The following ULK4 variants were observed in gnomAD, a reference collection of about 807,000 sequenced individuals.
The protein encoded by ULK4 is unc-51 like kinase 4, also known as inactive serine/threonine-protein kinase ULK4.
Under a neutral mutation model 160.6 loss-of-function variants are expected in ULK4, and 133 were observed. The observed-to-expected ratio is 0.83, with a 90% CI of 0.72 to 0.96. The LOEUF is 0.96. Ranked by LOEUF, ULK4 falls within the 40% of genes least tolerant of loss-of-function variation. The pLI, the probability that ULK4 is intolerant of heterozygous loss-of-function variation, is 0.00. For synonymous variants in ULK4, 534 were observed against 539.8 expected, an observed-to-expected ratio of 0.99 and a Z score of 0.15; for missense variants, 1,580 against 1,499.5, an observed-to-expected ratio of 1.05 and a Z score of -0.89.
Position 41,479,467 on chromosome 3 carries a change from G to A in ULK4, c.3227-16214C>T, listed in dbSNP as rs73828063. Among the ~76,000 whole-genome samples the A allele has an allele frequency of 5.7e-3, 871 of 152,340 alleles. 10 individuals are homozygous for A. Among genetic ancestry groups the A allele is most frequent in the African/African-American group, 0.02 (831 of 41,582 alleles). On this transcript the variant is annotated intron_variant, in intron 32 of 36. Transcript: ENST00000301831. Reference sequence around the variant, plus strand: ...GGTGCTGTTGGTCGGAGAAGATGATGATCAACGGGAAGGCAGGGAAAGTTA... The same window carrying A: ...GGTGCTGTTGGTCGGAGAAGATGATAATCAACGGGAAGGCAGGGAAAGTTA...
chr3:41,468,505 G>C (rs899854609), intron 32 of ULK4, among the ~76,000 whole-genome samples: 1 of 152,162 alleles, frequency 6.6e-6, no homozygotes, highest in Non-Finnish European at 1.5e-5. Context: ...ACCTCCTATA[G>C]AAGAATAGGA....
At chr3:41,740,570 C>T (rs181830382) in intron 22 of ULK4, among the ~76,000 whole-genome samples, 1 of 151,922 alleles carries the variant, frequency 6.6e-6, no homozygotes, top group Non-Finnish European at 1.5e-5. Flanking sequence ...ATTTCACCAC[C>T]TGTCTCATGC....
chr3:41,714,798 G>A (rs1354727311), intron 25 of ULK4, among the ~76,000 whole-genome samples: 1 of 146,244 alleles, frequency 6.8e-6, no homozygotes, highest in Non-Finnish European at 1.5e-5. Context: ...GTTGCAGTGA[G>A]CCAAGATCGC....
intron 32 of ULK4, among the ~76,000 whole-genome samples, chr3:41,560,791 C>G (rs1466398895): frequency 6.6e-6 from 1 of 152,202 alleles, no homozygotes; most frequent in Non-Finnish European, 1.5e-5. Flanking sequence ...TCTAAATATA[C>G]AATCATGTCA....
At chr3:41,642,914 T>C (rs2034291637) in intron 30 of ULK4, among the ~76,000 whole-genome samples, 1 of 152,194 alleles carries the variant, frequency 6.6e-6, no homozygotes, top group South Asian at 2.1e-4. Context: ...CTCATTGTGG[T>C]TTTGATTTGC....
intron 35 of ULK4, among the ~76,000 whole-genome samples, chr3:41,303,148 T>C (rs1439911738): frequency 6.6e-6 from 1 of 152,194 alleles, no homozygotes; most frequent in Non-Finnish European, 1.5e-5. Flanking sequence ...CTGATAATAA[T>C]TATTTGCCTT....
chr3:41,247,063 G>T, intron 36 of ULK4, 71 bp from the exon 37 acceptor site: 1 of 1,480,248 alleles, frequency 6.8e-7, no homozygotes, highest in Non-Finnish European at 9.3e-7. Context: ...CTTTCAAAGG[G>T]GCCAGCCTCT....
chr3:41,882,681 C>T (rs1449636170), intron 17 of ULK4, among the ~76,000 whole-genome samples: 2 of 152,194 alleles, frequency 1.3e-5, no homozygotes, highest in Admixed American at 1.3e-4. Context: ...TCAGAGGCTC[C>T]TTCTTCACAG....
At chr3:41,742,290 G>A (rs915040105) in intron 22 of ULK4, among the ~76,000 whole-genome samples, 1 of 152,012 alleles carries the variant, frequency 6.6e-6, no homozygotes, top group Non-Finnish European at 1.5e-5. Flanking sequence ...TGGAGGGGTA[G>A]TGTCTATAAG....
chr3:41,836,422 C>T lies in ULK4; in HGVS notation c.1657-451G>A, dbSNP rs12636880. 2.5e-4 allele frequency among the ~76,000 whole-genome samples: 38 copies of T among 152,284 alleles called. No individual in the cohort carries two copies. In the East Asian group the frequency reaches 6.4e-3, roughly 26 times the overall value. ...TCCTGGCCTCAAGATCCACCCACCTCGACCTCCCAAAGTGCTGGGATTACA... is the reference window on the plus strand; with the variant it reads ...TCCTGGCCTCAAGATCCACCCACCTTGACCTCCCAAAGTGCTGGGATTACA... On this transcript the variant is annotated intron_variant, in intron 17 of 36. Transcript: ENST00000301831.
At chr3:41,884,870 T>C (rs1207277916) in intron 16 of ULK4, among the ~76,000 whole-genome samples, 7 of 152,220 alleles carry the variant, frequency 4.6e-5, no homozygotes, top group Non-Finnish European at 8.8e-5. Flanking sequence ...TCCTAGGCAA[T>C]TGTAGAATTA....
chr3:41,561,725 T>TA (rs2087578563), intron 32 of ULK4, among the ~76,000 whole-genome samples: 1 of 152,220 alleles, frequency 6.6e-6, no homozygotes, highest in South Asian at 2.1e-4. Context: ...TATCATTTTT[T>TA]ATTGTGTCTA....
intron 17 of ULK4, among the ~76,000 whole-genome samples, chr3:41,848,668 T>C (rs2042128625): frequency 6.6e-6 from 1 of 152,158 alleles, no homozygotes; most frequent in Non-Finnish European, 1.5e-5. Flanking sequence ...GACGTTCACT[T>C]TTTCCTTCTA....
intron 35 of ULK4, among the ~76,000 whole-genome samples, chr3:41,294,843 G>A (rs2079639052): frequency 6.6e-6 from 1 of 152,082 alleles, no homozygotes; most frequent in Non-Finnish European, 1.5e-5. Flanking sequence ...ATTGGATAGG[G>A]ACACTCAATA....
chr3:41,605,179 C>A (rs7629556), intron 31 of ULK4, among the ~76,000 whole-genome samples: 35,164 of 150,200 alleles, frequency 0.23, 4,273 homozygotes, highest in Admixed American at 0.28. Flanking sequence ...CTTAACTGAG[C>A]CAAAAGAAAG....
chr3:41,681,457 T>C, intron 29 of ULK4, 51 bp downstream of exon 29: 1 of 1,605,154 alleles, frequency 6.2e-7, no homozygotes, highest in Non-Finnish European at 8.5e-7. Context: ...TGACAGAAGC[T>C]TCCTGGATAG....
intron 35 of ULK4, among the ~76,000 whole-genome samples, chr3:41,381,253 A>G (rs1044666211): frequency 7.2e-5 from 11 of 152,132 alleles, no homozygotes; most frequent in African/African-American, 2.7e-4. Flanking sequence ...GTCGTCCTCC[A>G]CACTTGATTC....
chr3:41,836,038 TA>T, intron 17 of ULK4, 67 bp from the exon 18 acceptor site: 1 of 1,117,466 alleles, frequency 8.9e-7, no homozygotes. Flanking sequence ...AACCTATATG[TA>T]AAAAGCAGGA....
intron 35 of ULK4, among the ~76,000 whole-genome samples, chr3:41,321,565 T>C (rs1472417597): frequency 6.6e-6 from 1 of 151,972 alleles, no homozygotes; most frequent in Non-Finnish European, 1.5e-5. Context: ...AGGCAGTTGT[T>C]AACTGTCTCT....
Sources: allele counts gnomAD v4.1 joint callset (sites outside exome capture counted in the v4.1 genomes callset), GRCh38; gene constraint gnomAD v4.1.1; transcripts MANE v1.5; gene names NCBI Gene and HGNC (gene_info 2026-07-23, HGNC 2026-07-21).